Variants in SPATA17 observed in about 807,000 individuals in gnomAD.
SPATA17 encodes spermatogenesis associated 17.
Under a neutral mutation model 62.2 loss-of-function variants are expected in SPATA17, and 53 were observed. The ratio of observed to expected loss-of-function variants is 0.85; its 90% confidence interval spans 0.68 to 1.07. SPATA17 has a LOEUF of 1.07. SPATA17 is among the 50% of genes least tolerant of loss of function. The pLI is 0.00. For synonymous variants in SPATA17, 146 were observed against 146.8 expected (o/e 0.99, Z 0.04); for missense variants, 466 against 425.5 (o/e 1.10, Z -0.84).
chr1:217,773,004 A>G (rs1005185548), intron 6 of SPATA17, among the ~76,000 whole-genome samples: 11 of 152,042 alleles, frequency 7.2e-5, no homozygotes, highest in African/African-American at 2.7e-4. Context: ...AGGATGTTGC[A>G]TTTGGGATAG....
chr1:217,830,705 G>C (rs1440732668), intron 9 of SPATA17, among the ~76,000 whole-genome samples: 1 of 152,118 alleles, frequency 6.6e-6, no homozygotes, highest in Non-Finnish European at 1.5e-5. Flanking sequence ...GCTGATTAGA[G>C]AATGCTGCCA....
intron 6 of SPATA17, among the ~76,000 whole-genome samples, chr1:217,771,572 T>C (rs943814604): frequency 6.6e-6 from 1 of 152,212 alleles, no homozygotes; most frequent in African/African-American, 2.4e-5. Flanking sequence ...TTGCCTGCTC[T>C]AGGGATTGTG....
intron 3 of SPATA17, among the ~76,000 whole-genome samples, chr1:217,664,287 A>ATTT (rs1670641424): frequency 7.5e-6 from 1 of 132,726 alleles, no homozygotes; most frequent in Non-Finnish European, 1.5e-5. Context: ...GGTGTTAAAA[A>ATTT]TCTTTTTTTT....
At chr1:217,745,590 G>A (rs1239815144) in intron 6 of SPATA17, among the ~76,000 whole-genome samples, 1 of 152,042 alleles carries the variant, frequency 6.6e-6, no homozygotes, top group Non-Finnish European at 1.5e-5. Context: ...ACAAAAGTAT[G>A]CAACACTAAG....
At chr1:217,729,685 T>G (rs189080843) in intron 5 of SPATA17, among the ~76,000 whole-genome samples, 1 of 152,302 alleles carries the variant, frequency 6.6e-6, no homozygotes, top group South Asian at 2.1e-4. Context: ...CAACATAAAA[T>G]GTAGAATATA....
chr1:217,788,706 T>G (rs886460067), intron 8 of SPATA17, among the ~76,000 whole-genome samples: 5 of 152,074 alleles, frequency 3.3e-5, no homozygotes. Flanking sequence ...GGCGAGGAAA[T>G]TGATTCTCTT....
intron 9 of SPATA17, 104 bp downstream of exon 9, chr1:217,801,954 G>A: frequency 1.7e-6 from 2 of 1,186,122 alleles, no homozygotes; most frequent in Non-Finnish European, 1.1e-6. Flanking sequence ...AGACCTTTAT[G>A]GTAACAACAT....
intron 1 of SPATA17, among the ~76,000 whole-genome samples, chr1:217,633,549 C>G (rs1669869651): frequency 6.6e-6 from 1 of 152,128 alleles, no homozygotes. Flanking sequence ...TATGAATTAT[C>G]AGAGCCAACT....
chr1:217,644,551 A>G (rs1037687572), intron 1 of SPATA17, among the ~76,000 whole-genome samples: 1 of 152,174 alleles, frequency 6.6e-6, no homozygotes. Flanking sequence ...CATAGGTAAT[A>G]TACATGGGTC....
intron 3 of SPATA17, 111 bp downstream of exon 3, chr1:217,651,289 T>C: frequency 3.8e-6 from 3 of 787,448 alleles, no homozygotes; most frequent in Non-Finnish European, 5.8e-6. Flanking sequence ...TGAGTATTTA[T>C]GTAAGGACAA....
intron 5 of SPATA17, among the ~76,000 whole-genome samples, chr1:217,710,309 A>G (rs577539189): frequency 2.0e-5 from 3 of 152,022 alleles, no homozygotes; most frequent in African/African-American, 7.2e-5. Flanking sequence ...TAAGAAAATT[A>G]TGTAATGAAA....
chr1:217,796,005 C>T (rs1476210271), intron 8 of SPATA17, among the ~76,000 whole-genome samples: 1 of 151,894 alleles, frequency 6.6e-6, no homozygotes, highest in Admixed American at 6.6e-5. Flanking sequence ...ACCACGTTGC[C>T]GAAGCTGGTC....
intron 5 of SPATA17, among the ~76,000 whole-genome samples, chr1:217,736,352 A>G (rs1381155836): frequency 2.0e-5 from 3 of 152,246 alleles, no homozygotes; most frequent in Non-Finnish European, 4.4e-5. Flanking sequence ...CATGGGCAAC[A>G]TAGACATACT....
At chr1:217,659,026 C>T (rs1003766311) in intron 3 of SPATA17, among the ~76,000 whole-genome samples, 12 of 152,066 alleles carry the variant, frequency 7.9e-5, no homozygotes, top group Non-Finnish European at 7.4e-5. Flanking sequence ...GATATTACTG[C>T]CTGGGGGGAA....
chr1:217,746,408 T>C (rs1672752098), intron 6 of SPATA17, among the ~76,000 whole-genome samples: 2 of 151,658 alleles, frequency 1.3e-5, no homozygotes, highest in Admixed American at 1.3e-4. Context: ...GTTTATAGAA[T>C]AGTAATTTTT....
At chr1:217,840,390 C>A (rs890976945) in intron 9 of SPATA17, among the ~76,000 whole-genome samples, 44 of 152,056 alleles carry the variant, frequency 2.9e-4, no homozygotes, top group African/African-American at 1.0e-3. Context: ...CACTTTTAAG[C>A]CTCAGAACTA....
At chr1:217,862,711 A>T in intron 9 of SPATA17, 63 bp from the exon 10 acceptor site, 1 of 1,180,558 alleles carries the variant, frequency 8.5e-7, no homozygotes, top group Non-Finnish European at 1.2e-6. Context: ...AATAATAACA[A>T]TAATGGTAAT....
intron 3 of SPATA17, among the ~76,000 whole-genome samples, chr1:217,652,776 T>C (rs1670351735): frequency 6.6e-6 from 1 of 152,176 alleles, no homozygotes; most frequent in Non-Finnish European, 1.5e-5. Context: ...TTGACTCTCA[T>C]TGAACTGTAG....
chr1:217,756,758 A>G (rs1054626898), intron 6 of SPATA17, among the ~76,000 whole-genome samples: 1 of 152,186 alleles, frequency 6.6e-6, no homozygotes, highest in Non-Finnish European at 1.5e-5. Context: ...TAGGCAATCT[A>G]TTTGTCATGC....
Sources: gnomAD v4.1 joint callset for allele counts (sites outside exome capture counted in the v4.1 genomes callset) on GRCh38, gnomAD v4.1.1 for gene constraint, MANE v1.5 for transcripts, NCBI Gene and HGNC (gene_info 2026-07-23, HGNC 2026-07-21) for gene names.